Variants in CAMSAP1 observed in about 807,000 individuals in gnomAD.
CAMSAP1 encodes the protein calmodulin regulated spectrin associated protein 1, also known as calmodulin-regulated spectrin-associated protein 1.
Under a neutral mutation model 143.5 loss-of-function variants are expected in CAMSAP1, and 58 were observed. The observed-to-expected ratio is 0.40, with a 90% confidence interval of 0.33 to 0.50. The LOEUF (loss-of-function observed/expected upper bound fraction) is 0.50. Among genes scored for constraint, CAMSAP1 ranks in the 20% least tolerant of loss-of-function variants. The pLI is 0.45. For missense variants in CAMSAP1, 1,969 were observed against 2,115.7 expected (o/e 0.93, Z 1.36); for synonymous variants, 945 against 859.3 (o/e 1.10, Z -1.74).
chr9:135,853,794 A>G (rs995590351), intron 5 of CAMSAP1, among the ~76,000 whole-genome samples: 1 of 152,140 alleles, frequency 6.6e-6, no homozygotes, highest in Admixed American at 6.5e-5. Flanking sequence ...ACACAAAGGC[A>G]CCGCTTCTCC....
intron 1 of CAMSAP1, among the ~76,000 whole-genome samples, chr9:135,889,925 G>C (rs1838234938): frequency 6.6e-6 from 1 of 152,194 alleles, no homozygotes; most frequent in Non-Finnish European, 1.5e-5. Flanking sequence ...AGCTCACGAA[G>C]AAATCTCGAG....
chr9:135,866,923 T>C (rs1307273358), intron 3 of CAMSAP1, among the ~76,000 whole-genome samples: 1 of 152,188 alleles, frequency 6.6e-6, no homozygotes, highest in Non-Finnish European at 1.5e-5. Flanking sequence ...CTAAAGAGCC[T>C]AACTTGTGAC....
chr9:135,815,745 C>T, intron 15 of CAMSAP1, 145 bp downstream of exon 15: 1 of 706,448 alleles, frequency 1.4e-6, no homozygotes, highest in South Asian at 1.9e-5. Context: ...CACCAAAGAG[C>T]TCAAATTAGC....
At chr9:135,870,809 A>T (rs935814594) in intron 3 of CAMSAP1, among the ~76,000 whole-genome samples, 1 of 152,204 alleles carries the variant, frequency 6.6e-6, no homozygotes, top group African/African-American at 2.4e-5. Context: ...AAAAATAAAA[A>T]TAAAAAAATT....
chr9:135,831,469 C>CT (rs1192507871), intron 7 of CAMSAP1, among the ~76,000 whole-genome samples: 1 of 149,688 alleles, frequency 6.7e-6, no homozygotes, highest in Non-Finnish European at 1.5e-5. Context: ...CCCCATCTCT[C>CT]TTTTTTTAAT....
In CAMSAP1 at chr9:135,882,752, C is replaced by T. The variant is rs574924561; in HGVS notation, c.423+64G>A. ...GTTCACACCATCCATGCACCAGGTG[C>T]GCCACACGAGAGCCCACGGCTCCAG... On this transcript the variant is annotated intron_variant, in intron 2 of 16. Transcript: ENST00000389532. This position sits in a 1 kb window ranked among gnomAD's most constrained non-coding sequence, Gnocchi z 4.9. 38 of 1,502,300 alleles carry T rather than the reference C, an allele frequency of 2.5e-5. No homozygotes were observed. Among genetic ancestry groups the T allele is most frequent in the African/African-American group, 1.5e-4 (11 of 72,424 alleles). The allele number at this position is 1,502,300 out of a possible 1,614,324, so 93.1% of individuals were successfully genotyped here.
At chr9:135,865,385 G>A in intron 4 of CAMSAP1, 1 of 1,550,610 alleles carries the variant, frequency 6.4e-7, no homozygotes, top group Non-Finnish European at 8.7e-7. Flanking sequence ...AGCGAGAGAA[G>A]GAAGGCAGGA....
At position 135,818,155 on chromosome 9, in the gene CAMSAP1, CCTCACCT is replaced by C; in HGVS notation, c.4169-83_4169-77del. On this transcript the variant is annotated intron_variant, in intron 13 of 16. Transcript: ENST00000389532. This position sits in a 1 kb window ranked among gnomAD's most constrained non-coding sequence, Gnocchi z 7.7. ...AGTACCTGTCCCCTGTACCTGTTCC[CCTCACCT>C]CGCCCTGCAGAGCTCGGCCACACAG... is the stretch of plus-strand genomic sequence containing the variant. 2 of 1,441,108 alleles carry C rather than the reference CCTCACCT, an allele frequency of 1.4e-6. No homozygotes were observed. Among genetic ancestry groups the C allele is most frequent in the Non-Finnish European group, 1.9e-6 (2 of 1,042,578 alleles). 89.3% of individuals were successfully genotyped at this position (1,441,108 alleles called of 1,614,324 possible). A position where few individuals can be genotyped will look rare whatever the true frequency, so the allele number is the denominator to read the frequency against.
intron 3 of CAMSAP1, among the ~76,000 whole-genome samples, chr9:135,876,636 G>A (rs1172922080): frequency 6.6e-6 from 1 of 152,166 alleles, no homozygotes; most frequent in African/African-American, 2.4e-5. Flanking sequence ...TCTAATGACT[G>A]AACTTACACA....
At chr9:135,836,887 C>G (rs1282939005) in intron 7 of CAMSAP1, 2 of 983,822 alleles carry the variant, frequency 2.0e-6, no homozygotes, top group Non-Finnish European at 1.2e-6. Context: ...CACGTCACCA[C>G]ACTTGCTACC....
At chr9:135,877,748 C>A (rs906603504) in intron 3 of CAMSAP1, among the ~76,000 whole-genome samples, 2 of 151,966 alleles carry the variant, frequency 1.3e-5, no homozygotes, top group East Asian at 1.9e-4. Flanking sequence ...GGAGGTCAGG[C>A]TGCAGTGAGC....
At chr9:135,827,683 T>G in intron 7 of CAMSAP1, 99 bp from the exon 8 acceptor site, 1 of 1,187,822 alleles carries the variant, frequency 8.4e-7, no homozygotes. Context: ...AACCTTTTAT[T>G]GAAACCAAAC....
intron 3 of CAMSAP1, among the ~76,000 whole-genome samples, chr9:135,878,322 G>A (rs1434630190): frequency 1.3e-5 from 2 of 152,158 alleles, no homozygotes; most frequent in Non-Finnish European, 2.9e-5. Flanking sequence ...CACAGAGGAG[G>A]AGAGACTCAG....
chr9:135,862,789 T>C (rs1219138757), intron 4 of CAMSAP1, among the ~76,000 whole-genome samples, 181 bp from the exon 5 acceptor site: 1 of 152,126 alleles, frequency 6.6e-6, no homozygotes, highest in Non-Finnish European at 1.5e-5. Context: ...GGAACATATA[T>C]GTCAAGATCC....
chr9:135,836,498 A>ACACTTTCTACCCTGTTCTACAGACACACT lies in CAMSAP1; in HGVS notation c.1046-8915_1046-8914insAGTGTGTCTGTAGAACAGGGTAGAAAGTG, dbSNP rs1836046517. The ACACTTTCTACCCTGTTCTACAGACACACT allele has an allele frequency of 8.2e-6, 8 of 976,676 alleles. No individual in the cohort carries two copies. The African/African-American group carries it at 1.5e-4, about 18-fold the overall frequency. 60.5% of individuals were successfully genotyped at this position (976,676 alleles called of 1,614,324 possible). On this transcript the variant is annotated intron_variant, in intron 7 of 16. Coordinates refer to ENST00000389532, the MANE Select transcript of CAMSAP1 (RefSeq NM_015447.4). ...TTTCTACCCTGTTCTACAGACACAC[A>ACACTTTCTACCCTGTTCTACAGACACACT]TCACCACGCACTTTCCACCCATTCC...
intron 15 of CAMSAP1, among the ~76,000 whole-genome samples, chr9:135,815,678 T>C (rs1835205310): frequency 6.6e-6 from 1 of 152,270 alleles, no homozygotes; most frequent in Non-Finnish European, 1.5e-5. Flanking sequence ...GCAGGGCAGA[T>C]GACCAGGAGG....
chr9:135,817,938 C>T (rs746387455), intron 14 of CAMSAP1, 39 bp downstream of exon 14: 1 of 1,578,482 alleles, frequency 6.3e-7, no homozygotes, highest in Admixed American at 1.7e-5. Flanking sequence ...CTCCGAACGT[C>T]CTCCAGCCCC....
At chr9:135,823,700 C>G (rs185201895) in intron 10 of CAMSAP1, among the ~76,000 whole-genome samples, 88 of 152,290 alleles carry the variant, frequency 5.8e-4, no homozygotes, top group African/African-American at 2.0e-3. Flanking sequence ...TGGCTGGACC[C>G]TCATACCTGA....
chr9:135,817,989 G>A lies in CAMSAP1; in HGVS notation c.4259C>T (p.Thr1420Ile), dbSNP rs1835294122. 1 of 1,613,762 alleles carries A rather than the reference G, an allele frequency of 6.2e-7. No homozygotes were observed. Among genetic ancestry groups the A allele is most frequent in the African/African-American group, 1.3e-5 (1 of 74,930 alleles). The change falls in exon 14 of 17, where the codon ACA becomes ATA. Residue 1420 changes from threonine to isoleucine, a missense_variant. Physicochemically the swap from Thr to Ile is moderately conservative, Grantham distance 89. Transcript: ENST00000389532. ...TCAGGCCCCTTACCGCTGAGAGGGTGTGCCCCCGGAATGAACGCTCTCGGG... is the reference window on the plus strand; with the variant it reads ...TCAGGCCCCTTACCGCTGAGAGGGTATGCCCCCGGAATGAACGCTCTCGGG... ...TEPESVHSGG[T>I]PSQRVESMEA...
Sources: gnomAD v4.1 joint callset for allele counts (sites outside exome capture counted in the v4.1 genomes callset) on GRCh38, gnomAD v4.1.1 for gene constraint, Gnocchi (gnomAD v3.1) non-coding constraint, MANE v1.5 for transcripts, NCBI Gene and HGNC (gene_info 2026-07-23, HGNC 2026-07-21) for gene names.